The following ACBD3 variants were observed in gnomAD, a reference collection of about 807,000 sequenced individuals.
The protein encoded by ACBD3 is Golgi resident protein GCP60.
A neutral mutation model predicts 66.9 loss-of-function variants in ACBD3; 30 were observed. The observed-to-expected ratio is 0.45, with a 90% CI of 0.34 to 0.61. The LOEUF (loss-of-function observed/expected upper bound fraction) is 0.61, where lower values mean the gene tolerates loss of function less well. Ranked by LOEUF, ACBD3 falls within the 20% of genes least tolerant of loss-of-function variation. ACBD3 has a pLI of 0.02. For missense variants in ACBD3, 544 were observed against 664.5 expected (o/e 0.82, Z 1.99); for synonymous variants, 278 against 259.8 (o/e 1.07, Z -0.68).
chr1:226,179,921 C>T (rs1325329015), intron 1 of ACBD3, among the ~76,000 whole-genome samples: 1 of 151,930 alleles, frequency 6.6e-6, no homozygotes, highest in Non-Finnish European at 1.5e-5. Context: ...GCCTGTAATC[C>T]CAGCACTTTG....
chr1:226,173,547 T>C (rs1655915166), intron 1 of ACBD3, among the ~76,000 whole-genome samples: 1 of 151,752 alleles, frequency 6.6e-6, no homozygotes, highest in African/African-American at 2.4e-5. Context: ...ACTTTCGGTA[T>C]AGCACAGTTC....
chr1:226,178,953 C>T (rs973405307), intron 1 of ACBD3, among the ~76,000 whole-genome samples: 31 of 152,278 alleles, frequency 2.0e-4, no homozygotes, highest in South Asian at 1.2e-3. Flanking sequence ...GGTTTATTTC[C>T]TGTCCTCAGC....
intron 1 of ACBD3, among the ~76,000 whole-genome samples, chr1:226,169,348 C>T (rs868120017): frequency 4.6e-5 from 7 of 150,726 alleles, no homozygotes; most frequent in South Asian, 2.1e-4. Flanking sequence ...CCCGGGTTCA[C>T]GCCATTCTCC....
intron 2 of ACBD3, 130 bp from the exon 3 acceptor site, chr1:226,165,059 A>C (rs1345800934): frequency 1.0e-6 from 1 of 988,560 alleles, no homozygotes; most frequent in Non-Finnish European, 1.4e-6. Context: ...AAAGGCTCAA[A>C]ACTTCAAGTT....
chr1:226,184,999 T>C (rs979933429), intron 1 of ACBD3, among the ~76,000 whole-genome samples: 3 of 151,578 alleles, frequency 2.0e-5, no homozygotes, highest in African/African-American at 7.3e-5. Context: ...ACTCTTACTC[T>C]CTGCTACAAT....
intron 7 of ACBD3, among the ~76,000 whole-genome samples, chr1:226,147,453 T>C (rs769431632): frequency 6.6e-6 from 1 of 152,166 alleles, no homozygotes; most frequent in Non-Finnish European, 1.5e-5. Context: ...CCCCTTTCCA[T>C]AGCCATTCAA....
rs1026487574 is a variant in ACBD3 at position 226,164,745 on chromosome 1, C to T, written c.569+44G>A. The T allele has an allele frequency of 5.7e-6, 9 of 1,577,064 alleles. No homozygotes were observed. The African/African-American group carries it at 1.1e-4, about 19-fold the overall frequency. On this transcript the variant is annotated intron_variant, in intron 3 of 7. Transcript: ENST00000366812. ...TCTACAAAACAAAAGCATCAGTACA[C>T]TGGGCTGCGCAGCAATAAAGTATTC... is the stretch of plus-strand genomic sequence containing the variant.
At chr1:226,149,465 G>A (rs1037285143) in intron 7 of ACBD3, among the ~76,000 whole-genome samples, 1 of 138,534 alleles carries the variant, frequency 7.2e-6, no homozygotes. Flanking sequence ...GACCTCAGGT[G>A]ATTCACCCAC....
chr1:226,149,529 C>CTTTTTTTTTTTTTTTTTTTTTT (rs1170130229), intron 7 of ACBD3, among the ~76,000 whole-genome samples: 1 of 29,612 alleles, frequency 3.4e-5, no homozygotes, highest in Non-Finnish European at 5.6e-5. Flanking sequence ...GCCCAGCCAT[C>CTTTTTTTTTTTTTTTTTTTTTT]TTTTTTTTTT....
At chr1:226,179,582 G>T (rs180961623) in intron 1 of ACBD3, among the ~76,000 whole-genome samples, 1 of 152,170 alleles carries the variant, frequency 6.6e-6, no homozygotes, top group Non-Finnish European at 1.5e-5. Flanking sequence ...ACTGGGCCAG[G>T]CGTGGTGGTT....
intron 6 of ACBD3, 74 bp from the exon 7 acceptor site, chr1:226,152,693 T>A: frequency 7.0e-7 from 1 of 1,422,762 alleles, no homozygotes; most frequent in Non-Finnish European, 9.6e-7. Context: ...TTCATAGCAC[T>A]ACCTGATCAG....
chr1:226,180,962 G>A (rs760538885), intron 1 of ACBD3, among the ~76,000 whole-genome samples: 9 of 147,978 alleles, frequency 6.1e-5, no homozygotes, highest in Middle Eastern at 3.6e-3. Flanking sequence ...TCGCGCCATT[G>A]CACTCCAGCC....
At chr1:226,147,237 T>C (rs950496783) in intron 7 of ACBD3, among the ~76,000 whole-genome samples, 5 of 152,236 alleles carry the variant, frequency 3.3e-5, no homozygotes, top group African/African-American at 1.2e-4. Flanking sequence ...TGTTGAACCA[T>C]TTAACAAGTT....
intron 6 of ACBD3, 113 bp downstream of exon 6, chr1:226,154,534 C>T (rs1659636829): frequency 6.3e-6 from 8 of 1,264,016 alleles, no homozygotes; most frequent in Non-Finnish European, 8.7e-6. Flanking sequence ...AAATGTTCAA[C>T]TCTCACAAAT....
chr1:226,181,187 A>G (rs1049773599), intron 1 of ACBD3, among the ~76,000 whole-genome samples: 2 of 152,168 alleles, frequency 1.3e-5, no homozygotes, highest in Non-Finnish European at 2.9e-5. Context: ...AAAGGTAAAG[A>G]TAATAAAAGG....
At chr1:226,169,652 G>A (rs1172707196) in intron 1 of ACBD3, among the ~76,000 whole-genome samples, 1 of 143,196 alleles carries the variant, frequency 7.0e-6, no homozygotes, top group African/African-American at 2.6e-5. Flanking sequence ...CCTCGTGATC[G>A]GCCTGCCTCG....
At position 226,186,296 on chromosome 1, in the gene ACBD3, G is replaced by A. The variant is rs3738797; in HGVS notation, c.286+94C>T. 0.012 allele frequency: 16,402 copies of A among 1,388,284 alleles called. 667 individuals are homozygous for A. In the East Asian group the frequency reaches 0.18, roughly 15 times the overall value. 86.0% of individuals were successfully genotyped at this position (1,388,284 alleles called of 1,614,324 possible). A position where few individuals can be genotyped will look rare whatever the true frequency, so the allele number is the denominator to read the frequency against. ...ACCACAGCCCAGTATGAGTGGGTGA[G>A]GGCAAGTCTGGTCCAGTCACCCTGG... On this transcript the variant is annotated intron_variant, in intron 1 of 7. Transcript: ENST00000366812.
Position 226,164,919 on chromosome 1 carries a change from C to T in ACBD3, c.439G>A (p.Ala147Thr). 6.3e-7 allele frequency: 1 copy of T among 1,583,440 alleles called. No homozygotes were observed. Among genetic ancestry groups the T allele is most frequent in the African/African-American group, 1.4e-5 (1 of 74,000 alleles). The change falls in exon 3 of 8, where the codon GCA (alanine) becomes ACA (threonine). Residue 147 changes from alanine to threonine, a missense_variant. Around this residue, in one of 3 missense-constraint regions of ACBD3, gnomAD observed 383 missense variants for 462.4 expected, o/e 0.83. Coordinates refer to ENST00000366812, the MANE Select transcript of ACBD3 (RefSeq NM_022735.4). ...TCTTTAGACATGTTTCCCAGGGCTG[C>T]CCATTCTCTCCTGTAAGGAATAACA... ...VLGNDRRREW[A>T]ALGNMSKEDA...
chr1:226,165,982 A>G lies in ACBD3; in HGVS notation c.305T>C (p.Phe102Ser). 1.2e-6 allele frequency: 2 copies of G among 1,606,350 alleles called. No homozygotes were observed. The highest frequency in any genetic ancestry group is 1.7e-6 in the Non-Finnish European group (2 of 1,178,180). ...RFFKEKDGKA[F>S]HPTYEEKLKL... ...CAATTTTTCTTCATAAGTTGGATGA[A>G]ATGCTTTGCCATCTTTTTCTATAAG... Residue 102 changes from phenylalanine (F) to serine (S), a missense_variant, in exon 2 of 8, where the codon TTT becomes TCT. Transcript: ENST00000366812.
Sources: gnomAD v4.1 joint callset for allele counts (sites outside exome capture counted in the v4.1 genomes callset) on GRCh38, gnomAD v4.1.1 for gene constraint, gnomAD v4.1.1 regional missense constraint, MANE v1.5 for transcripts, NCBI Gene and HGNC (gene_info 2026-07-23, HGNC 2026-07-21) for gene names.